GARS1: variants seen among roughly 807,000 people sequenced by gnomAD.
The protein encoded by GARS1 is glycine--tRNA ligase.
A neutral mutation model predicts 86.4 loss-of-function variants in GARS1; 46 were observed. The ratio of observed to expected loss-of-function variants is 0.53; its 90% CI spans 0.42 to 0.68. GARS1 has a LOEUF of 0.68. GARS1 is among the 30% of genes least tolerant of loss of function. The pLI is 0.00. For missense variants in GARS1, 797 were observed against 915.6 expected (o/e 0.87, Z 1.67); for synonymous variants, 342 against 329.8 (o/e 1.04, Z -0.40).
At chr7:30,628,208 A>C (rs1367251802) in intron 13 of GARS1, among the ~76,000 whole-genome samples, 1 of 149,198 alleles carries the variant, frequency 6.7e-6, no homozygotes, top group Non-Finnish European at 1.5e-5. Context: ...TTTTGAGATG[A>C]AGTCTCGCCC....
intron 9 of GARS1, 113 bp from the exon 10 acceptor site, chr7:30,617,001 G>T (rs1261465810): frequency 1.0e-6 from 1 of 974,440 alleles, no homozygotes; most frequent in Non-Finnish European, 1.6e-6. Context: ...GTTTGTGTTG[G>T]GTGTCAAATA....
At position 30,616,396 on chromosome 7, in the gene GARS1, A is replaced by T. The variant is rs140799827; in HGVS notation, c.1194+338A>T. Among the ~76,000 whole-genome samples the T allele has an allele frequency of 1.8e-4, 28 of 152,368 alleles. No individual in the cohort carries two copies. The East Asian group carries it at 4.6e-3, about 25-fold the overall frequency. ...GCATTGGACCCACAGAAAGCAAGCC[A>T]TCTGGGTTTCAGACTCTTCTGTATT... On this transcript the variant is annotated intron_variant, in intron 9 of 16. Coordinates refer to ENST00000389266, the MANE Select transcript of GARS1 (RefSeq NM_002047.4).
intron 6 of GARS1, among the ~76,000 whole-genome samples, chr7:30,605,834 C>A (rs1172602531): frequency 6.6e-6 from 1 of 152,134 alleles, no homozygotes; most frequent in African/African-American, 2.4e-5. Context: ...AATTTAATAT[C>A]ATCAAATATT....
chr7:30,620,175 C>G (rs1782976859), intron 10 of GARS1, among the ~76,000 whole-genome samples: 1 of 152,028 alleles, frequency 6.6e-6, no homozygotes, highest in South Asian at 2.1e-4. Context: ...TAGGTATCTA[C>G]CAAAATAAGC....
At chr7:30,628,839 G>T (rs1783182768) in intron 14 of GARS1, among the ~76,000 whole-genome samples, 170 bp downstream of exon 14, 1 of 152,162 alleles carries the variant, frequency 6.6e-6, no homozygotes. Flanking sequence ...CCAGTTTCCT[G>T]TGTTATCTTA....
At chr7:30,612,317 T>A in intron 8 of GARS1, 72 bp downstream of exon 8, 1 of 1,373,406 alleles carries the variant, frequency 7.3e-7, no homozygotes, top group Non-Finnish European at 1.0e-6. Flanking sequence ...GCTTGCTGTT[T>A]TGAAGCAATT....
intron 6 of GARS1, among the ~76,000 whole-genome samples, chr7:30,608,422 A>G (rs1264504134): frequency 6.6e-6 from 1 of 152,144 alleles, no homozygotes; most frequent in African/African-American, 2.4e-5. Flanking sequence ...ACCAGCTTAT[A>G]TTTATGGTAC....
At chr7:30,601,769 G>C (rs1329651291) in intron 4 of GARS1, among the ~76,000 whole-genome samples, 1 of 152,100 alleles carries the variant, frequency 6.6e-6, no homozygotes, top group Non-Finnish European at 1.5e-5. Context: ...ATTGAAAGTA[G>C]GGCAGAATTT....
chr7:30,618,280 A>G (rs1389727615), intron 10 of GARS1, among the ~76,000 whole-genome samples: 1 of 152,146 alleles, frequency 6.6e-6, no homozygotes, highest in Non-Finnish European at 1.5e-5. Context: ...TTTTAGCTTT[A>G]TGAGTCTCTG....
intron 10 of GARS1, 72 bp from the exon 11 acceptor site, chr7:30,621,321 C>A: frequency 8.7e-7 from 1 of 1,154,948 alleles, no homozygotes; most frequent in Non-Finnish European, 1.3e-6. Context: ...TTATAATCTG[C>A]ATGCATTTGT....
chr7:30,632,389 C>A lies in GARS1; in HGVS notation c.2046C>A (p.His682Gln). 6.2e-7 allele frequency: 1 copy of A among 1,614,158 alleles called. No homozygotes were observed. The highest frequency in any genetic ancestry group is 8.5e-7 in the Non-Finnish European group (1 of 1,180,016). The change falls in exon 16 of 17, where the codon CAC becomes CAA. Residue 682 changes from histidine (H) to glutamine (Q), a missense_variant. His to Gln is a conservative substitution (Grantham distance 24). This residue lies in a region of GARS1 where 598 missense variants were observed against 738.7 expected (regional missense o/e 0.81). Transcript: ENST00000389266. The surrounding 1 kb of genome is among the most constrained non-coding windows in gnomAD (Gnocchi z 4.1). Reference sequence around the variant, plus strand: ...TTGACACAGTGAACAAGACCCCCCACACTGCAACTCTGAGGGACCGTGACT... The same window carrying A: ...TTGACACAGTGAACAAGACCCCCCAAACTGCAACTCTGAGGGACCGTGACT... ...IDFDTVNKTP[H>Q]TATLRDRDSM... is the part of the protein sequence containing the mutation.
intron 11 of GARS1, 90 bp downstream of exon 11, chr7:30,621,590 T>A: frequency 2.1e-6 from 2 of 935,760 alleles, no homozygotes; most frequent in Non-Finnish European, 3.5e-6. Context: ...GTTCTATGGA[T>A]AAATGGAGAT....
At chr7:30,595,835 C>T (rs937393238) in intron 1 of GARS1, 14 of 471,004 alleles carry the variant, frequency 3.0e-5, no homozygotes, top group African/African-American at 2.4e-4. Flanking sequence ...CCGTTTGGAA[C>T]CAGTGAGCCC....
chr7:30,596,726 AT>A (rs1369987841), intron 1 of GARS1, among the ~76,000 whole-genome samples: 3 of 152,160 alleles, frequency 2.0e-5, no homozygotes, highest in African/African-American at 7.2e-5. Context: ...TAGTTTGGAT[AT>A]TTTTTTCTAA....
intron 2 of GARS1, 151 bp downstream of exon 2, chr7:30,599,048 A>C: frequency 1.5e-6 from 1 of 687,514 alleles, no homozygotes; most frequent in Non-Finnish European, 2.6e-6. Flanking sequence ...CTTTCCCTCT[A>C]CCTGGTAGAC....
intron 15 of GARS1, among the ~76,000 whole-genome samples, chr7:30,631,762 A>C (rs1430492307): frequency 6.6e-6 from 1 of 152,222 alleles, no homozygotes; most frequent in Non-Finnish European, 1.5e-5. Context: ...GTAGGACCCA[A>C]GAGTCAGATT....
At chr7:30,602,986 T>G (rs763213641) in intron 4 of GARS1, 48 bp from the exon 5 acceptor site, 1 of 1,207,518 alleles carries the variant, frequency 8.3e-7, no homozygotes, top group Admixed American at 1.7e-5. Flanking sequence ...AATATCTATG[T>G]GTAATTTGTA....
At chr7:30,627,192 T>C (rs1783145684) in intron 13 of GARS1, 2 of 385,084 alleles carry the variant, frequency 5.2e-6, no homozygotes, top group South Asian at 4.0e-5. Context: ...GTGGAAAGAG[T>C]GAGCATACCT....
At chr7:30,626,962 C>T (rs1783141642) in intron 13 of GARS1, 2 of 377,728 alleles carry the variant, frequency 5.3e-6, no homozygotes, top group Non-Finnish European at 1.0e-5. Context: ...GCCTGGGCGA[C>T]AGTGCAAGAC....
Sources: gnomAD v4.1 joint callset for allele counts (sites outside exome capture counted in the v4.1 genomes callset) on GRCh38, gnomAD v4.1.1 for gene constraint, gnomAD v4.1.1 regional missense constraint, Gnocchi (gnomAD v3.1) non-coding constraint, MANE v1.5 for transcripts, NCBI Gene and HGNC (gene_info 2026-07-23, HGNC 2026-07-21) for gene names.